Variants in RSPH14 observed in about 807,000 individuals in gnomAD.
RSPH14 encodes radial spoke head 14 homolog.
In RSPH14, 20 loss-of-function variants were observed where a neutral mutation model predicts 26.7. The ratio of observed to expected loss-of-function variants is 0.75; its 90% CI spans 0.53 to 1.09. RSPH14 has a LOEUF of 1.09. Among genes scored for constraint, RSPH14 ranks in the 50% least tolerant of loss-of-function variants. RSPH14 has a pLI of 0.00. For missense variants in RSPH14, 449 were observed against 457.2 expected (o/e 0.98, Z 0.16); for synonymous variants, 177 against 189.3 (o/e 0.93, Z 0.53).
intron 4 of RSPH14, among the ~76,000 whole-genome samples, chr22:23,073,524 C>G (rs534537556): frequency 1.3e-5 from 2 of 152,312 alleles, no homozygotes; most frequent in South Asian, 4.1e-4. Flanking sequence ...TTCTCTGAAC[C>G]TCATTATCCT....
intron 4 of RSPH14, among the ~76,000 whole-genome samples, chr22:23,118,488 C>T (rs919487166): frequency 1.9e-4 from 27 of 142,672 alleles, no homozygotes; most frequent in African/African-American, 5.7e-4. Flanking sequence ...CCCCACCCCC[C>T]GCGGCTGCCT....
the RSPH14 span, chr22:23,150,128 C>T: frequency 1.9e-6 from 3 of 1,612,318 alleles, no homozygotes; most frequent in East Asian, 2.2e-5. Flanking sequence ...GCGCTGCCTG[C>T]CAACGCAGGA....
At position 23,130,812 on chromosome 22, in the gene RSPH14, G is replaced by A. The variant is rs190024795; in HGVS notation, c.421+3214C>T. ...AGATGTTTCCTCTCACCAGGACAGG[G>A]ACAGTAAAGCCATATCACAGTGAAA... On this transcript the variant is annotated intron_variant, in intron 4 of 6. Transcript: ENST00000216036. Among the ~76,000 whole-genome samples the A allele has an allele frequency of 3.3e-4, 51 of 152,362 alleles. No individual in the cohort carries two copies. The East Asian group carries it at 8.3e-3, about 25-fold the overall frequency.
At chr22:23,081,968 A>G (rs1372834042) in intron 4 of RSPH14, among the ~76,000 whole-genome samples, 3 of 150,402 alleles carry the variant, frequency 2.0e-5, no homozygotes, top group South Asian at 2.1e-4. Context: ...TACTAAAAAT[A>G]CAAAAAATTA....
Position 23,134,089 on chromosome 22 carries a change from G to T in RSPH14, c.358C>A (p.Pro120Thr). The change falls in exon 4 of 7, where the codon CCC becomes ACC. Residue 120 changes from proline to threonine, a missense_variant. Physicochemically the swap from Pro to Thr is conservative, Grantham distance 38. Coordinates refer to ENST00000216036, the MANE Select transcript of RSPH14 (RefSeq NM_014433.3). ...AGGTTCCCCCGGCAGACTGGGCTGG[G>T]GTCATTCAGCAGGAAGGACAGGGCA... ...VLALSFLLND[P>T]SPVCRGNLYK... The T allele has an allele frequency of 6.2e-7, 1 of 1,613,624 alleles. No homozygotes were observed.
At chr22:23,109,684 A>C (rs2146357187) in intron 4 of RSPH14, among the ~76,000 whole-genome samples, 1 of 152,354 alleles carries the variant, frequency 6.6e-6, no homozygotes. Flanking sequence ...TGTCTCCCTC[A>C]GCATCTCAGA....
chr22:23,145,400 G>T (rs2070703936), upstream of RSPH14: 2 of 1,609,310 alleles, frequency 1.2e-6, no homozygotes, highest in South Asian at 2.2e-5. Flanking sequence ...ATGCTTGGAC[G>T]CGCCGCTGCC....
At chr22:23,175,462 G>A in the RSPH14 span, among the ~76,000 whole-genome samples, 7 of 151,972 alleles carry the variant, frequency 4.6e-5, no homozygotes, top group South Asian at 2.1e-4. Context: ...TCCAGCCTCC[G>A]CCTCTGGAGT....
chr22:23,129,760 A>G (rs1322992245), intron 4 of RSPH14, among the ~76,000 whole-genome samples: 1 of 151,222 alleles, frequency 6.6e-6, no homozygotes, highest in Non-Finnish European at 1.5e-5. Flanking sequence ...TCTCTACTAC[A>G]AATACAAAAA....
At chr22:23,123,469 C>A in intron 4 of RSPH14, 2 of 1,405,582 alleles carry the variant, frequency 1.4e-6, no homozygotes, top group Non-Finnish European at 2.0e-6. Context: ...ATGGTGAAAC[C>A]CACGGGGTGT....
At chr22:23,165,295 C>G in the RSPH14 span, among the ~76,000 whole-genome samples, 1 of 152,230 alleles carries the variant, frequency 6.6e-6, no homozygotes, top group Admixed American at 6.5e-5. Flanking sequence ...GAAACTTACA[C>G]CTGCCTGGGG....
chr22:23,152,977 C>A, the RSPH14 span: 1 of 1,266,372 alleles, frequency 7.9e-7, no homozygotes, highest in Non-Finnish European at 1.2e-6. Context: ...ACAAGTGAAG[C>A]TTCCGGGCAC....
chr22:23,119,514 G>A (rs925353021), intron 4 of RSPH14, among the ~76,000 whole-genome samples: 3 of 152,216 alleles, frequency 2.0e-5, no homozygotes, highest in Non-Finnish European at 2.9e-5. Context: ...CTCACTTGCT[G>A]GTCCATCAGC....
At chr22:23,145,927 C>G, upstream of RSPH14, 1 of 969,712 alleles carries the variant, frequency 1.0e-6, no homozygotes, top group Non-Finnish European at 1.2e-6. Flanking sequence ...GTTAAGGCCC[C>G]CAGGCCCACC....
chr22:23,174,014 T>C, the RSPH14 span, among the ~76,000 whole-genome samples: 5 of 151,876 alleles, frequency 3.3e-5, no homozygotes, highest in African/African-American at 1.2e-4. Context: ...CCAGCCTCTA[T>C]TCTTTCATCT....
In RSPH14 at chr22:23,090,562, C is replaced by T. The variant is rs115859907; in HGVS notation, c.422-26429G>A. On this transcript the variant is annotated intron_variant, in intron 4 of 6. Coordinates refer to ENST00000216036, the MANE Select transcript of RSPH14 (RefSeq NM_014433.3). ...CTTAAGTGACCTCCTACCCTCTTGG[C>T]ACCAGCCACATGGCCTCCTTCCTGC... 5.1e-3 allele frequency among the ~76,000 whole-genome samples: 778 copies of T among 152,328 alleles called. 5 individuals carry two copies. The highest frequency in any genetic ancestry group is 0.018 in the African/African-American group (739 of 41,562).
intron 4 of RSPH14, among the ~76,000 whole-genome samples, chr22:23,066,000 T>G (rs2068203121): frequency 6.6e-6 from 1 of 152,078 alleles, no homozygotes. Context: ...CTGCTTCCCC[T>G]CAGGTTCTGC....
intron 4 of RSPH14, among the ~76,000 whole-genome samples, chr22:23,102,118 C>T (rs555173469): frequency 2.0e-5 from 3 of 152,232 alleles, no homozygotes; most frequent in African/African-American, 7.2e-5. Flanking sequence ...ACCGGCTCCC[C>T]GCATCCAAGT....
chr22:23,106,007 C>G (rs980295875), intron 4 of RSPH14, among the ~76,000 whole-genome samples: 1 of 152,156 alleles, frequency 6.6e-6, no homozygotes, highest in Non-Finnish European at 1.5e-5. Context: ...CACAGGAGCT[C>G]CAGGCCCTTT....
Sources: gnomAD v4.1 joint callset for allele counts (sites outside exome capture counted in the v4.1 genomes callset) on GRCh38, gnomAD v4.1.1 for gene constraint, MANE v1.5 for transcripts, NCBI Gene and HGNC (gene_info 2026-07-23, HGNC 2026-07-21) for gene names.